Variants in MAD1L1 observed in about 807,000 individuals in gnomAD.
The protein encoded by MAD1L1 is mitotic spindle assembly checkpoint protein MAD1.
A neutral mutation model predicts 96.9 loss-of-function variants in MAD1L1; 95 were observed. That is an observed-to-expected ratio of 0.98 (90% CI 0.83 to 1.16). MAD1L1 has a LOEUF of 1.16. Among genes scored for constraint, MAD1L1 ranks in the 50% most tolerant of loss-of-function variants. MAD1L1 has a pLI of 0.00. For missense variants in MAD1L1, 1,007 were observed against 954.4 expected, an observed-to-expected ratio of 1.06 and a Z score of -0.73; for synonymous variants, 473 against 396.6, an observed-to-expected ratio of 1.19 and a Z score of -2.29.
At chr7:2,196,880 G>A (rs150960480) in intron 10 of MAD1L1, among the ~76,000 whole-genome samples, 10 of 152,224 alleles carry the variant, frequency 6.6e-5, no homozygotes, top group African/African-American at 2.2e-4. Flanking sequence ...AGGAAACACC[G>A]CCCACCCTCC....
At chr7:1,877,399 C>G (rs71523281) in intron 18 of MAD1L1, among the ~76,000 whole-genome samples, 45,586 of 150,088 alleles carry the variant, frequency 0.3, 8,237 homozygotes, top group East Asian at 0.44. Flanking sequence ...ATAACTAAAC[C>G]AAAACAGAAG....
intron 12 of MAD1L1, among the ~76,000 whole-genome samples, chr7:2,042,256 CACAT>C (rs954162606): frequency 2.6e-5 from 4 of 151,110 alleles, no homozygotes; most frequent in African/African-American, 7.4e-5. Flanking sequence ...TACACAGACA[CACAT>C]ACGCACATGC....
chr7:2,021,804 GA>G (rs1478445345), intron 12 of MAD1L1, among the ~76,000 whole-genome samples: 2 of 151,854 alleles, frequency 1.3e-5, no homozygotes, highest in African/African-American at 4.8e-5. Flanking sequence ...TTAGACAAAC[GA>G]AAACTGGGGG....
At chr7:1,910,981 G>T (rs76626455) in intron 17 of MAD1L1, among the ~76,000 whole-genome samples, 53,680 of 151,730 alleles carry the variant, frequency 0.35, 9,486 homozygotes, top group Middle Eastern at 0.42. Flanking sequence ...GGCCCTGGCG[G>T]GGCCTGGTCT....
Position 2,138,076 on chromosome 7 carries a change from T to C in MAD1L1, c.1073+11076A>G, listed in dbSNP as rs527523342. ...GCACAGAGCTGTGAGTCCCAGGCCC[T>C]TCACCAGGGCTGCACCCACGCTGCG... On this transcript the variant is annotated intron_variant, in intron 11 of 18. Coordinates refer to ENST00000265854, the MANE Select transcript of MAD1L1 (RefSeq NM_001013836.2). Among the ~76,000 whole-genome samples the C allele has an allele frequency of 3.3e-5, 5 of 152,352 alleles. No homozygotes were observed. The South Asian group carries it at 1.0e-3, about 32-fold the overall frequency.
At chr7:2,106,548 C>A (rs1330529259) in intron 11 of MAD1L1, among the ~76,000 whole-genome samples, 2 of 152,172 alleles carry the variant, frequency 1.3e-5, no homozygotes, top group African/African-American at 4.8e-5. Flanking sequence ...CTCCACTCTC[C>A]CAGGGGTGGG....
intron 14 of MAD1L1, among the ~76,000 whole-genome samples, chr7:1,982,808 TTTC>T (rs1317666164): frequency 6.6e-6 from 1 of 152,214 alleles, no homozygotes; most frequent in East Asian, 1.9e-4. Flanking sequence ...AAGCCAATAC[TTTC>T]TTATTTACAG....
chr7:1,865,440 T>C (rs113584657), intron 18 of MAD1L1, among the ~76,000 whole-genome samples: 28 of 152,324 alleles, frequency 1.8e-4, no homozygotes, highest in African/African-American at 6.7e-4. Flanking sequence ...ACAGCAGAGC[T>C]TTCAGAGGTC....
intron 11 of MAD1L1, among the ~76,000 whole-genome samples, chr7:2,089,543 A>C (rs1313690840): frequency 6.6e-6 from 1 of 152,204 alleles, no homozygotes; most frequent in Non-Finnish European, 1.5e-5. Flanking sequence ...AGCAGCATGA[A>C]AACAGACTAA....
rs1306214479 is a variant in MAD1L1 at position 2,011,390 on chromosome 7, A to T, written c.1359+3112T>A. On this transcript the variant is annotated intron_variant, in intron 13 of 18. Coordinates refer to ENST00000265854, the MANE Select transcript of MAD1L1 (RefSeq NM_001013836.2). ...TGCTGGGCCCCCGCCTTCACCTTGC[A>T]AACATGCTTAGTTCCCAGAGTTGGG... 2.0e-5 allele frequency among the ~76,000 whole-genome samples: 3 copies of T among 152,120 alleles called. No individual in the cohort carries two copies. In the South Asian group the frequency reaches 6.2e-4, roughly 32 times the overall value.
intron 18 of MAD1L1, among the ~76,000 whole-genome samples, chr7:1,821,698 T>C (rs1172654339): frequency 2.6e-5 from 4 of 152,156 alleles, no homozygotes; most frequent in Admixed American, 1.3e-4. Flanking sequence ...TATGATCCTA[T>C]TGGCACAGGC....
intron 18 of MAD1L1, among the ~76,000 whole-genome samples, chr7:1,887,223 G>A (rs1457022499): frequency 3.3e-5 from 5 of 151,936 alleles, no homozygotes; most frequent in African/African-American, 1.2e-4. Flanking sequence ...GCATGTGTGT[G>A]TGAGCATGTG....
At chr7:1,876,332 C>G (rs1354561442) in intron 18 of MAD1L1, among the ~76,000 whole-genome samples, 3 of 152,212 alleles carry the variant, frequency 2.0e-5, no homozygotes, top group African/African-American at 4.8e-5. Flanking sequence ...CCGTCTGGTC[C>G]AACACCAGGT....
At chr7:1,933,892 C>T (rs920803565) in intron 17 of MAD1L1, among the ~76,000 whole-genome samples, 3 of 152,170 alleles carry the variant, frequency 2.0e-5, no homozygotes, top group Non-Finnish European at 2.9e-5. Flanking sequence ...TCCTGGGCTG[C>T]GTTGGAGTTT....
At chr7:1,988,204 T>C (rs1409947395) in intron 14 of MAD1L1, among the ~76,000 whole-genome samples, 2 of 152,142 alleles carry the variant, frequency 1.3e-5, no homozygotes, top group Admixed American at 1.3e-4. Context: ...TGCTGAACGC[T>C]TCCTGACATG....
rs1786055548 is a variant in MAD1L1, at chr7:2,088,721, C to G, written c.1074-19383G>C. 6.6e-6 allele frequency: 1 copy of G among 152,400 alleles called. No individual in the cohort carries two copies. The highest frequency in any genetic ancestry group is 2.1e-4 in the South Asian group (1 of 4,830). The allele number at this position is 152,400 out of a possible 1,614,324, so 9.4% of individuals were successfully genotyped here. A position where few individuals can be genotyped will look rare whatever the true frequency, so the allele number is the denominator to read the frequency against. Reference sequence around the variant, plus strand: ...AGGAAGGACACCGACGGAGCCGGGCCATCTCTCAAGTACAACCTAGACGCC... The same window carrying G: ...AGGAAGGACACCGACGGAGCCGGGCGATCTCTCAAGTACAACCTAGACGCC... On this transcript the variant is annotated intron_variant, in intron 11 of 18. Coordinates refer to ENST00000265854, the MANE Select transcript of MAD1L1 (RefSeq NM_001013836.2). This position sits in a 1 kb window ranked among gnomAD's most constrained non-coding sequence, Gnocchi z 4.4.
intron 10 of MAD1L1, among the ~76,000 whole-genome samples, chr7:2,198,323 T>A (rs1353862015): frequency 6.6e-6 from 1 of 152,136 alleles, no homozygotes; most frequent in Non-Finnish European, 1.5e-5. Flanking sequence ...CCAGGCCGGC[T>A]GCCTGCTCTC....
intron 18 of MAD1L1, among the ~76,000 whole-genome samples, chr7:1,818,745 C>T (rs1006939902): frequency 1.4e-4 from 21 of 152,030 alleles, no homozygotes; most frequent in African/African-American, 4.3e-4. Context: ...AGCAAGACAG[C>T]TGCTCCCAAT....
chr7:1,921,772 CG>C (rs1417083239), intron 17 of MAD1L1, among the ~76,000 whole-genome samples: 1 of 151,758 alleles, frequency 6.6e-6, no homozygotes, highest in Non-Finnish European at 1.5e-5. Context: ...TATAAATCTA[CG>C]GGGAAGGAAG....
Sources: gnomAD v4.1 joint callset for allele counts (sites outside exome capture counted in the v4.1 genomes callset) on GRCh38, gnomAD v4.1.1 for gene constraint, Gnocchi (gnomAD v3.1) non-coding constraint, MANE v1.5 for transcripts, NCBI Gene and HGNC (gene_info 2026-07-23, HGNC 2026-07-21) for gene names.